HNRNPLL: variants seen among roughly 807,000 people sequenced by gnomAD.
The protein encoded by HNRNPLL is heterogeneous nuclear ribonucleoprotein L-like.
In HNRNPLL, 25 loss-of-function variants were observed where a neutral mutation model predicts 67.1. The ratio of observed to expected loss-of-function variants is 0.37; its 90% CI spans 0.27 to 0.52. HNRNPLL has a LOEUF of 0.52. HNRNPLL is among the 20% of genes least tolerant of loss of function. HNRNPLL has a pLI of 0.90. For synonymous variants in HNRNPLL, 267 were observed against 241.7 expected (o/e 1.10, Z -0.97); for missense variants, 542 against 673.9 (o/e 0.80, Z 2.17).
chr2:38,570,482 T>G (rs887939041), intron 8 of HNRNPLL, among the ~76,000 whole-genome samples: 1 of 152,162 alleles, frequency 6.6e-6, no homozygotes, highest in Non-Finnish European at 1.5e-5. Flanking sequence ...TAATACAAAA[T>G]AGCCTTGAGA....
intron 2 of HNRNPLL, among the ~76,000 whole-genome samples, chr2:38,589,678 G>A (rs1375028315): frequency 6.6e-6 from 1 of 152,032 alleles, no homozygotes; most frequent in Non-Finnish European, 1.5e-5. Context: ...AAATGCAAAG[G>A]TCACCAGGAG....
intron 1 of HNRNPLL, among the ~76,000 whole-genome samples, chr2:38,595,477 C>A (rs1030955904): frequency 5.9e-5 from 9 of 151,932 alleles, no homozygotes; most frequent in African/African-American, 2.2e-4. Context: ...CAAAAAAAAT[C>A]TCCTTTTAAT....
chr2:38,597,863 A>G (rs1406380591), intron 1 of HNRNPLL, among the ~76,000 whole-genome samples: 1 of 151,670 alleles, frequency 6.6e-6, no homozygotes, highest in East Asian at 1.9e-4. Context: ...AATTTTTTGT[A>G]TTTTTAGTAG....
chr2:38,568,310 A>C lies in HNRNPLL; in HGVS notation c.1475-13T>G. ...GTTTTGGCTGAAGCTAAAACAAAAA[A>C]ACACAAACTCAGTTATTATTACTTG... is the stretch of plus-strand genomic sequence containing the variant. On this transcript the variant is annotated splice_polypyrimidine_tract_variant and intron_variant, in intron 11 of 12. Coordinates refer to ENST00000449105, the MANE Select transcript of HNRNPLL (RefSeq NM_138394.4). 1.9e-6 allele frequency: 3 copies of C among 1,611,340 alleles called. No homozygotes were observed. Among genetic ancestry groups the C allele is most frequent in the Non-Finnish European group, 2.5e-6 (3 of 1,177,794 alleles).
intron 1 of HNRNPLL, among the ~76,000 whole-genome samples, chr2:38,594,150 G>C (rs1667080323): frequency 6.6e-6 from 1 of 152,122 alleles, no homozygotes. Flanking sequence ...ACTCCAGCCT[G>C]GGCGACAGAA....
intron 6 of HNRNPLL, among the ~76,000 whole-genome samples, chr2:38,579,187 A>C (rs17493538): frequency 0.14 from 21,615 of 152,138 alleles, 1,643 homozygotes; most frequent in African/African-American, 0.16. Flanking sequence ...GACGATTCCA[A>C]CTTAAACCAC....
chr2:38,567,981 T>C (rs953845184), intron 12 of HNRNPLL: 10 of 428,436 alleles, frequency 2.3e-5, no homozygotes, highest in African/African-American at 2.1e-4. Flanking sequence ...TCAGAAACAG[T>C]AAGATAATAA....
chr2:38,595,272 TAAA>T (rs70954734), intron 1 of HNRNPLL, among the ~76,000 whole-genome samples: 10,273 of 67,484 alleles, frequency 0.15, 363 homozygotes, highest in Non-Finnish European at 0.18. Context: ...AGACCTTGTC[TAAA>T]AAAAAAAAAA....
At chr2:38,576,930 T>C (rs1573731655) in intron 7 of HNRNPLL, among the ~76,000 whole-genome samples, 1 of 151,928 alleles carries the variant, frequency 6.6e-6, no homozygotes, top group East Asian at 1.9e-4. Context: ...GGTTCCATAA[T>C]CTTATCAACA....
rs773133460 is a variant in HNRNPLL, at chr2:38,585,714, G to T, written c.476C>A (p.Thr159Asn). The change falls in exon 3 of 13, where the codon ACT becomes AAT. Residue 159 changes from threonine to asparagine, a missense_variant. This residue lies in a region of HNRNPLL where 415 missense variants were observed against 575.2 expected (regional missense o/e 0.72). Transcript: ENST00000449105. ...TTTGTTGCCTCCTGATGGATCATCA[G>T]TATTTCCTGGCCGAGTGATCCTTTT... Reference protein sequence around the residue: ...TSKRITRPGNTDDPSGGNKVL... With the variant: ...TSKRITRPGNNDDPSGGNKVL... 1.9e-6 allele frequency: 3 copies of T among 1,613,826 alleles called. No individual in the cohort carries two copies. Among genetic ancestry groups the T allele is most frequent in the African/African-American group, 2.7e-5 (2 of 74,914 alleles).
At chr2:38,582,512 A>G (rs933542582) in intron 4 of HNRNPLL, among the ~76,000 whole-genome samples, 1 of 152,124 alleles carries the variant, frequency 6.6e-6, no homozygotes, top group African/African-American at 2.4e-5. Context: ...GGGTTTCACC[A>G]TGTTGACCAG....
At chr2:38,570,593 T>A (rs527330129) in intron 8 of HNRNPLL, among the ~76,000 whole-genome samples, 4 of 152,322 alleles carry the variant, frequency 2.6e-5, no homozygotes, top group African/African-American at 9.6e-5. Context: ...TATTTCCAGT[T>A]TTAGAATGTA....
rs1666535507 is a variant in HNRNPLL at position 38,581,730 on chromosome 2, T to C, written c.802+183A>G. ...AACTAAATATAAATAGCTCAGTACA[T>C]ACCAGTAGGGGGCACTAATGTTCAA... On this transcript the variant is annotated intron_variant, in intron 6 of 12. Transcript: ENST00000449105. The C allele has an allele frequency of 8.1e-6, 5 of 620,676 alleles. No homozygotes were observed. In the South Asian group the frequency reaches 9.8e-5, roughly 12 times the overall value. The allele number at this position is 620,676 out of a possible 1,614,324, so 38.4% of individuals were successfully genotyped here.
At chr2:38,573,167 C>A (rs1321251125) in intron 8 of HNRNPLL, 43 bp downstream of exon 8, 3 of 1,337,632 alleles carry the variant, frequency 2.2e-6, no homozygotes, top group South Asian at 2.6e-5. Context: ...AGAGTTACCA[C>A]TGAATATCCT....
intron 1 of HNRNPLL, among the ~76,000 whole-genome samples, chr2:38,600,551 A>C (rs1442556705): frequency 6.6e-6 from 1 of 152,044 alleles, no homozygotes; most frequent in East Asian, 1.9e-4. Flanking sequence ...AATATGGTGA[A>C]ACCCCTTCTC....
intron 12 of HNRNPLL, chr2:38,565,940 A>G: frequency 1.3e-6 from 1 of 768,140 alleles, no homozygotes; most frequent in Non-Finnish European, 1.6e-6. Context: ...CAAATTTCAG[A>G]TGTTATTCCA....
At chr2:38,570,055 G>A in intron 8 of HNRNPLL, 130 bp from the exon 9 acceptor site, 2 of 624,548 alleles carry the variant, frequency 3.2e-6, no homozygotes, top group Non-Finnish European at 5.6e-6. Context: ...ACTATACTCT[G>A]CCATGTTATG....
chr2:38,571,972 T>C (rs1315466201), intron 8 of HNRNPLL, among the ~76,000 whole-genome samples: 1 of 152,182 alleles, frequency 6.6e-6, no homozygotes, highest in African/African-American at 2.4e-5. Context: ...AATTGCCTGA[T>C]TCTGATTGTC....
chr2:38,592,355 G>C (rs1263817805), intron 1 of HNRNPLL, among the ~76,000 whole-genome samples: 1 of 152,142 alleles, frequency 6.6e-6, no homozygotes, highest in Non-Finnish European at 1.5e-5. Context: ...TCAACATGAA[G>C]ATAATATACT....
Sources: allele counts gnomAD v4.1 joint callset (sites outside exome capture counted in the v4.1 genomes callset), GRCh38; gene constraint gnomAD v4.1.1; regional missense constraint gnomAD v4.1.1; transcripts MANE v1.5; gene names NCBI Gene and HGNC (gene_info 2026-07-23, HGNC 2026-07-21).